TMEM132D: variants seen among roughly 807,000 people sequenced by gnomAD.
TMEM132D encodes the protein mature OL transmembrane protein.
Under a neutral mutation model 62.3 loss-of-function variants are expected in TMEM132D, and 21 were observed. The observed-to-expected ratio is 0.34, with a 90% CI of 0.24 to 0.49. TMEM132D has a LOEUF of 0.49. TMEM132D is among the 20% of genes least tolerant of loss of function. The pLI is 0.99. For synonymous variants in TMEM132D, 621 were observed against 575.6 expected, an observed-to-expected ratio of 1.08 and a Z score of -1.13; for missense variants, 1,346 against 1,402.8, an observed-to-expected ratio of 0.96 and a Z score of 0.65.
chr12:129,739,600 G>GT (rs1215742108), intron 1 of TMEM132D, among the ~76,000 whole-genome samples: 1 of 152,184 alleles, frequency 6.6e-6, no homozygotes, highest in Non-Finnish European at 1.5e-5. Context: ...GCAAGGTATA[G>GT]TGAGTTGCTG....
At chr12:129,814,028 T>C (rs1172029209) in intron 1 of TMEM132D, among the ~76,000 whole-genome samples, 3 of 152,172 alleles carry the variant, frequency 2.0e-5, no homozygotes, top group Non-Finnish European at 4.4e-5. Context: ...TGAGGTCTGA[T>C]GGAATGATGG....
intron 1 of TMEM132D, among the ~76,000 whole-genome samples, chr12:129,818,090 G>T (rs1277434593): frequency 1.3e-5 from 2 of 149,344 alleles, no homozygotes; most frequent in Non-Finnish European, 3.0e-5. Flanking sequence ...GTGGTGTGGG[G>T]TGTGTGCGTT....
intron 4 of TMEM132D, among the ~76,000 whole-genome samples, chr12:129,294,686 C>T (rs572110961): frequency 6.6e-6 from 1 of 152,286 alleles, no homozygotes; most frequent in East Asian, 1.9e-4. Flanking sequence ...TGTATATTTC[C>T]AAGATACCAG....
intron 2 of TMEM132D, among the ~76,000 whole-genome samples, chr12:129,553,934 C>T (rs1473448930): frequency 6.6e-6 from 1 of 152,166 alleles, no homozygotes; most frequent in Non-Finnish European, 1.5e-5. Context: ...AGCCAGGGCC[C>T]ATCTCAAAGG....
intron 2 of TMEM132D, among the ~76,000 whole-genome samples, chr12:129,565,427 G>A (rs1055398041): frequency 6.6e-6 from 1 of 152,230 alleles, no homozygotes; most frequent in Non-Finnish European, 1.5e-5. Flanking sequence ...CAAAGAGTCT[G>A]TTGGTCAGTC....
intron 2 of TMEM132D, among the ~76,000 whole-genome samples, chr12:129,545,634 C>T (rs1271383926): frequency 6.6e-6 from 1 of 152,146 alleles, no homozygotes; most frequent in Non-Finnish European, 1.5e-5. Context: ...CACTCCCTGC[C>T]TCTGGCAACC....
chr12:129,478,739 C>T (rs1874344512), intron 3 of TMEM132D, among the ~76,000 whole-genome samples: 1 of 152,120 alleles, frequency 6.6e-6, no homozygotes, highest in Admixed American at 6.5e-5. Flanking sequence ...CTGGAATGTG[C>T]TCTGATCCCC....
chr12:129,640,420 A>T (rs1211682276), intron 2 of TMEM132D, among the ~76,000 whole-genome samples: 1 of 152,158 alleles, frequency 6.6e-6, no homozygotes, highest in Non-Finnish European at 1.5e-5. Flanking sequence ...CCATGTTCCC[A>T]TGGGGGACCC....
chr12:129,167,051 T>G (rs11060175), intron 5 of TMEM132D, among the ~76,000 whole-genome samples: 57,476 of 151,038 alleles, frequency 0.38, 11,616 homozygotes, highest in African/African-American at 0.51. Context: ...GCCCAGATAC[T>G]TTGGAGGCTG....
At chr12:129,853,065 C>A (rs1019013337) in intron 1 of TMEM132D, 2 of 152,144 alleles carry the variant, frequency 1.3e-5, no homozygotes, top group African/African-American at 4.8e-5. Context: ...TCTAAACATC[C>A]CTCAGGTCTG....
chr12:129,726,858 A>G (rs944142102), intron 1 of TMEM132D, among the ~76,000 whole-genome samples: 2 of 152,048 alleles, frequency 1.3e-5, no homozygotes, highest in Admixed American at 6.5e-5. Flanking sequence ...TCTGTTCCCA[A>G]CTCTGGCCCT....
intron 4 of TMEM132D, among the ~76,000 whole-genome samples, chr12:129,264,153 C>T (rs528508041): frequency 6.6e-6 from 1 of 152,312 alleles, no homozygotes; most frequent in South Asian, 2.1e-4. Context: ...CTTTGGAAGG[C>T]CAAGGCAGGT....
At chr12:129,589,281 A>T (rs550872593) in intron 2 of TMEM132D, among the ~76,000 whole-genome samples, 4 of 152,190 alleles carry the variant, frequency 2.6e-5, no homozygotes, top group South Asian at 2.1e-4. Flanking sequence ...GTTGGCTCTC[A>T]TTCTCCGTTG....
chr12:129,719,211 A>T (rs1335432623), intron 1 of TMEM132D, among the ~76,000 whole-genome samples: 1 of 152,102 alleles, frequency 6.6e-6, no homozygotes, highest in Non-Finnish European at 1.5e-5. Context: ...GTGAGCCGAG[A>T]TCGCACGACT....
At chr12:129,625,205 C>A (rs1879181130) in intron 2 of TMEM132D, among the ~76,000 whole-genome samples, 1 of 152,278 alleles carries the variant, frequency 6.6e-6, no homozygotes, top group South Asian at 2.1e-4. Flanking sequence ...GGTATTGATA[C>A]TTTTTCATTC....
chr12:129,085,565 C>G (rs1304768317), intron 5 of TMEM132D: 1 of 152,290 alleles, frequency 6.6e-6, no homozygotes, highest in Non-Finnish European at 1.5e-5. Flanking sequence ...TTCTCAAGTG[C>G]ACGTCACAGG....
At chr12:129,488,028 G>A (rs1874643466) in intron 3 of TMEM132D, among the ~76,000 whole-genome samples, 1 of 151,386 alleles carries the variant, frequency 6.6e-6, no homozygotes, top group African/African-American at 2.4e-5. Context: ...CCCCTTGTTG[G>A]CTTTTCCATC....
chr12:129,772,423 T>A lies in TMEM132D; in HGVS notation c.80-71725A>T, dbSNP rs564217452. The stretch of plus-strand genomic sequence containing the variant: ...ATGGGAAAAAGAGTCCAGTATCATA[T>A]AGGGGGGAAAAGTTGCATATTTTAA... On this transcript the variant is annotated intron_variant, in intron 1 of 8. Coordinates refer to ENST00000422113, the MANE Select transcript of TMEM132D (RefSeq NM_133448.3). Among the ~76,000 whole-genome samples, 62 of 152,284 alleles carry A rather than the reference T, an allele frequency of 4.1e-4. No individual in the cohort carries two copies. In the South Asian group the frequency reaches 0.012, roughly 30 times the overall value.
chr12:129,902,367 C>G (rs1200557393), intron 1 of TMEM132D, among the ~76,000 whole-genome samples: 1 of 152,210 alleles, frequency 6.6e-6, no homozygotes, highest in Admixed American at 6.5e-5. Flanking sequence ...GTGTATCTAT[C>G]TGCAGGAAAG....
Sources: allele counts gnomAD v4.1 joint callset (sites outside exome capture counted in the v4.1 genomes callset), GRCh38; gene constraint gnomAD v4.1.1; transcripts MANE v1.5; gene names NCBI Gene and HGNC (gene_info 2026-07-23, HGNC 2026-07-21).